The following DLGAP2 variants were observed in gnomAD, a reference collection of about 807,000 sequenced individuals.
The protein encoded by DLGAP2 is disks large-associated protein 2.
In DLGAP2, 26 loss-of-function variants were observed where a neutral mutation model predicts 100.3. The ratio of observed to expected loss-of-function variants is 0.26; its 90% CI spans 0.19 to 0.36. The LOEUF is 0.36. DLGAP2 is among the 10% of genes least tolerant of loss of function. The pLI, the probability that DLGAP2 is intolerant of heterozygous loss-of-function variation, is 1.00. For synonymous variants in DLGAP2, 886 were observed against 630.1 expected (o/e 1.41, Z -6.08); for missense variants, 1,858 against 1,453.2 (o/e 1.28, Z -4.53).
At chr8:1,037,238 T>C (rs1373217775) in intron 2 of DLGAP2, among the ~76,000 whole-genome samples, 1 of 152,152 alleles carries the variant, frequency 6.6e-6, no homozygotes, top group Non-Finnish European at 1.5e-5. Flanking sequence ...CCCCGAGCTT[T>C]CCACCTTCCC....
intron 3 of DLGAP2, among the ~76,000 whole-genome samples, chr8:1,456,472 G>A (rs1047323461): frequency 2.6e-5 from 4 of 152,090 alleles, no homozygotes; most frequent in Admixed American, 2.6e-4. Context: ...TGCACACAGC[G>A]GATCAAGAAT....
chr8:1,697,712 T>C (rs532250307), intron 14 of DLGAP2, among the ~76,000 whole-genome samples: 1 of 152,362 alleles, frequency 6.6e-6, no homozygotes, highest in African/African-American at 2.4e-5. Context: ...GGCCTGGTTA[T>C]GGACTATCTC....
At chr8:1,324,209 AT>A (rs1321940824) in intron 3 of DLGAP2, among the ~76,000 whole-genome samples, 3 of 152,194 alleles carry the variant, frequency 2.0e-5, no homozygotes, top group Non-Finnish European at 4.4e-5. Context: ...TCTTTCCCAA[AT>A]TAGGACAAAC....
At chr8:1,421,778 A>G (rs1292012633) in intron 3 of DLGAP2, among the ~76,000 whole-genome samples, 1 of 152,216 alleles carries the variant, frequency 6.6e-6, no homozygotes, top group African/African-American at 2.4e-5. Flanking sequence ...AGCCTGGCCA[A>G]CATGGTGAAA....
At chr8:1,287,760 AGC>A (rs1799973231) in intron 3 of DLGAP2, among the ~76,000 whole-genome samples, 1 of 40,542 alleles carries the variant, frequency 2.5e-5, no homozygotes. Context: ...GTTTTGGTTC[AGC>A]GTGTGTGTGT....
rs183893155 is a variant in DLGAP2 at position 915,399 on chromosome 8, T to A, written c.73+7433T>A. ...GGTCTCTACTAAAAATACAAAAAAT[T>A]AGCTGGGCGTGGTGGCTGGCACCTG... On this transcript the variant is annotated intron_variant, in intron 2 of 14. Coordinates refer to ENST00000637795, the MANE Select transcript of DLGAP2 (RefSeq NM_001346810.2). Among the ~76,000 whole-genome samples the A allele has an allele frequency of 1.4e-3, 220 of 152,090 alleles. 1 individual carries two copies. Among genetic ancestry groups the A allele is most frequent in the African/African-American group, 5.2e-3 (214 of 41,504 alleles).
chr8:1,318,029 AGC>A (rs1800805103), intron 3 of DLGAP2, among the ~76,000 whole-genome samples: 1 of 33,702 alleles, frequency 3.0e-5, no homozygotes, highest in African/African-American at 2.0e-4. Flanking sequence ...GTGTGAGTGC[AGC>A]GTCTCTCCAA....
chr8:1,162,046 C>A (rs1796902034), intron 2 of DLGAP2, among the ~76,000 whole-genome samples: 1 of 152,216 alleles, frequency 6.6e-6, no homozygotes, highest in African/African-American at 2.4e-5. Flanking sequence ...TGAGGGGAGC[C>A]CGGAGCCTGC....
intron 8 of DLGAP2, among the ~76,000 whole-genome samples, chr8:1,633,497 C>T (rs1454953588): frequency 6.6e-6 from 1 of 152,182 alleles, no homozygotes; most frequent in African/African-American, 2.4e-5. Context: ...TAAGCAGGTC[C>T]ATCATTAATG....
chr8:1,336,988 G>A (rs990586733), intron 3 of DLGAP2, among the ~76,000 whole-genome samples: 1 of 152,260 alleles, frequency 6.6e-6, no homozygotes, highest in African/African-American at 2.4e-5. Flanking sequence ...TGACCATATG[G>A]GAGTGAGGAG....
chr8:1,145,461 G>A (rs13255695), intron 2 of DLGAP2, among the ~76,000 whole-genome samples: 65,677 of 151,952 alleles, frequency 0.43, 15,653 homozygotes, highest in Non-Finnish European at 0.55. Flanking sequence ...GTGGTCTCCC[G>A]TCCTGTGGGT....
intron 1 of DLGAP2, among the ~76,000 whole-genome samples, chr8:768,079 C>G (rs923432058): frequency 6.6e-6 from 1 of 152,162 alleles, no homozygotes; most frequent in African/African-American, 2.4e-5. Flanking sequence ...CCCCACTTCC[C>G]GTGGGCTTTG....
chr8:1,505,210 A>C (rs974965821), intron 4 of DLGAP2, among the ~76,000 whole-genome samples: 3 of 152,198 alleles, frequency 2.0e-5, no homozygotes, highest in South Asian at 4.1e-4. Context: ...ATGGATCTAT[A>C]ATTCTACTGG....
rs535967466 is a variant in DLGAP2 at position 1,664,081 on chromosome 8, C to T, written c.1811-4248C>T. ...TCCACTGATACCAAACCCTCCTCCA[C>T]CAGGGCTGCCTTTCTAGAGCTGAGG... On this transcript the variant is annotated intron_variant, in intron 8 of 14. Transcript: ENST00000637795. Among the ~76,000 whole-genome samples, 124 of 152,312 alleles carry T rather than the reference C, an allele frequency of 8.1e-4. 2 individuals are homozygous for T. Among genetic ancestry groups the T allele is most frequent in the African/African-American group, 2.9e-3 (121 of 41,562 alleles).
At chr8:1,004,974 G>C (rs947509312) in intron 2 of DLGAP2, among the ~76,000 whole-genome samples, 3 of 152,346 alleles carry the variant, frequency 2.0e-5, no homozygotes, top group East Asian at 1.9e-4. Context: ...GGCACACACA[G>C]GGCCCTGGCT....
At chr8:1,424,335 A>T (rs751619201) in intron 3 of DLGAP2, among the ~76,000 whole-genome samples, 109 of 152,244 alleles carry the variant, frequency 7.2e-4, no homozygotes, top group Non-Finnish European at 3.5e-4. Context: ...TCAAGGGCCC[A>T]CTATGAGCCA....
chr8:1,179,487 C>T (rs1048782270), intron 2 of DLGAP2, among the ~76,000 whole-genome samples: 9 of 152,256 alleles, frequency 5.9e-5, no homozygotes, highest in Admixed American at 1.3e-4. Context: ...CTGCAAGAGA[C>T]GTGGCTGCCC....
chr8:1,392,443 G>A (rs1796386053), intron 3 of DLGAP2, among the ~76,000 whole-genome samples: 1 of 152,214 alleles, frequency 6.6e-6, no homozygotes, highest in South Asian at 2.1e-4. Context: ...CTAATGGGAG[G>A]CAAACCCGTT....
chr8:1,031,241 C>T (rs1801963106), intron 2 of DLGAP2, among the ~76,000 whole-genome samples: 1 of 152,070 alleles, frequency 6.6e-6, no homozygotes, highest in Non-Finnish European at 1.5e-5. Context: ...AGGAGGGCTC[C>T]CGTTTCCTTG....
Sources: gnomAD v4.1 joint callset for allele counts (sites outside exome capture counted in the v4.1 genomes callset) on GRCh38, gnomAD v4.1.1 for gene constraint, MANE v1.5 for transcripts, NCBI Gene and HGNC (gene_info 2026-07-23, HGNC 2026-07-21) for gene names.